Variants in ANKRD44 observed in about 807,000 individuals in gnomAD.
ANKRD44 encodes serine/threonine-protein phosphatase 6 regulatory ankyrin repeat subunit B.
ANKRD44 carries 35 observed loss-of-function variants against 116.0 expected under a neutral mutation model. The ratio of observed to expected loss-of-function variants is 0.30; its 90% CI spans 0.23 to 0.40. The LOEUF (loss-of-function observed/expected upper bound fraction) is 0.40, where lower values mean the gene tolerates loss of function less well. Ranked by LOEUF, ANKRD44 falls within the 10% of genes least tolerant of loss-of-function variation. The probability of loss-of-function intolerance (pLI) is 1.00; values close to 1 mark genes in which losing one functional copy is unlikely to be tolerated. For missense variants in ANKRD44, 1,014 were observed against 1,242.6 expected (o/e 0.82, Z 2.77); for synonymous variants, 435 against 461.8 (o/e 0.94, Z 0.74).
At chr2:197,282,419 G>A (rs932868081) in intron 1 of ANKRD44, among the ~76,000 whole-genome samples, 15 of 151,940 alleles carry the variant, frequency 9.9e-5, no homozygotes, top group African/African-American at 3.6e-4. Context: ...TCTGAGAGGC[G>A]GTGTGTGTTT....
At chr2:197,183,054 A>G (rs2080552840) in intron 2 of ANKRD44, among the ~76,000 whole-genome samples, 1 of 152,156 alleles carries the variant, frequency 6.6e-6, no homozygotes, top group Admixed American at 6.6e-5. Flanking sequence ...AAAGGGTGAG[A>G]GAATAGAATA....
chr2:197,122,344 T>A (rs1217177057), intron 7 of ANKRD44, among the ~76,000 whole-genome samples: 1 of 152,154 alleles, frequency 6.6e-6, no homozygotes, highest in African/African-American at 2.4e-5. Context: ...GAAGGCTACA[T>A]TTGGAAGGTG....
rs1574547612 is a variant in ANKRD44, at chr2:197,146,898, C to T, written c.190+129G>A. On this transcript the variant is annotated intron_variant, in intron 3 of 27. Coordinates refer to ENST00000282272, the MANE Select transcript of ANKRD44 (RefSeq NM_001195144.2). ...ATTTTTCTTTGTGTAATGATAAAATCGCCTATCACATAAACTTCCATGAAC... is the reference window on the plus strand; with the variant it reads ...ATTTTTCTTTGTGTAATGATAAAATTGCCTATCACATAAACTTCCATGAAC... The T allele has an allele frequency of 2.3e-5, 14 of 611,964 alleles. No individual in the cohort carries two copies. In the East Asian group the frequency reaches 3.0e-4, roughly 13 times the overall value. The allele number at this position is 611,964 out of a possible 1,614,324, so 37.9% of individuals were successfully genotyped here. A position where few individuals can be genotyped will look rare whatever the true frequency, so the allele number is the denominator to read the frequency against.
intron 1 of ANKRD44, among the ~76,000 whole-genome samples, chr2:197,227,728 T>G (rs2081753552): frequency 6.6e-6 from 1 of 152,190 alleles, no homozygotes; most frequent in Non-Finnish European, 1.5e-5. Context: ...ATTCCAGCCT[T>G]GCTGTTGCCA....
At chr2:196,970,465 T>G (rs2075707398) in intron 21 of ANKRD44, among the ~76,000 whole-genome samples, 1 of 152,226 alleles carries the variant, frequency 6.6e-6, no homozygotes, top group African/African-American at 2.4e-5. Flanking sequence ...ATTCTTAAAT[T>G]CTTAATATTT....
intron 2 of ANKRD44, among the ~76,000 whole-genome samples, chr2:197,173,709 A>G (rs189865153): frequency 1.6e-4 from 24 of 152,270 alleles, no homozygotes; most frequent in Admixed American, 6.5e-4. Context: ...AATGGATTCA[A>G]TGGTGCCAAG....
At chr2:196,998,102 C>T (rs2076046936) in intron 25 of ANKRD44, among the ~76,000 whole-genome samples, 1 of 152,164 alleles carries the variant, frequency 6.6e-6, no homozygotes, top group Non-Finnish European at 1.5e-5. Context: ...GTGGCAAATG[C>T]CATGAAAAGC....
chr2:197,307,745 G>C (rs1051445465), intron 1 of ANKRD44, among the ~76,000 whole-genome samples: 1 of 152,156 alleles, frequency 6.6e-6, no homozygotes, highest in Admixed American at 6.5e-5. Flanking sequence ...GAGAGAAAAT[G>C]TCATCATCTG....
chr2:197,069,825 C>G (rs972317769), intron 16 of ANKRD44, among the ~76,000 whole-genome samples: 1 of 151,848 alleles, frequency 6.6e-6, no homozygotes, highest in Non-Finnish European at 1.5e-5. Flanking sequence ...TTGTGTTAAA[C>G]CTACAGATTA....
At chr2:197,136,393 C>T in intron 4 of ANKRD44, 199 bp downstream of exon 4, 1 of 604,964 alleles carries the variant, frequency 1.7e-6, no homozygotes, top group South Asian at 2.0e-5. Flanking sequence ...TGTTGAACTA[C>T]CCCAGATACT....
chr2:197,061,231 A>G (rs1224139780), intron 16 of ANKRD44, among the ~76,000 whole-genome samples: 2 of 152,208 alleles, frequency 1.3e-5, no homozygotes, highest in Non-Finnish European at 2.9e-5. Flanking sequence ...CTGGCATTCC[A>G]AACCAGACCT....
chr2:197,143,841 C>T (rs939260485), intron 3 of ANKRD44, among the ~76,000 whole-genome samples: 3 of 152,152 alleles, frequency 2.0e-5, no homozygotes, highest in Non-Finnish European at 4.4e-5. Flanking sequence ...GTTGGCCAGG[C>T]TGGTCTTGAA....
intron 9 of ANKRD44, among the ~76,000 whole-genome samples, chr2:197,103,944 A>C (rs1323749274): frequency 6.6e-6 from 1 of 152,198 alleles, no homozygotes; most frequent in East Asian, 1.9e-4. Context: ...CCATGTCATT[A>C]ATCTTTTTCA....
chr2:197,215,755 C>G (rs111298356), intron 1 of ANKRD44, among the ~76,000 whole-genome samples: 9 of 152,258 alleles, frequency 5.9e-5, no homozygotes, highest in African/African-American at 1.9e-4. Flanking sequence ...CAGCATAAAT[C>G]CTGCTGGCAC....
intron 1 of ANKRD44, among the ~76,000 whole-genome samples, chr2:197,272,776 A>C (rs1459947918): frequency 6.6e-6 from 1 of 152,114 alleles, no homozygotes; most frequent in Non-Finnish European, 1.5e-5. Flanking sequence ...CTCACCAGAC[A>C]CCAAATCTGG....
In ANKRD44 at chr2:197,212,934, T is replaced by C. The variant is rs1287561611; in HGVS notation, c.28-25828A>G. Among the ~76,000 whole-genome samples the C allele has an allele frequency of 1.3e-5, 2 of 152,220 alleles. No homozygotes were observed. The highest frequency in any genetic ancestry group is 4.8e-5 in the African/African-American group (2 of 41,458). On this transcript the variant is annotated intron_variant, in intron 1 of 27. Transcript: ENST00000282272. This position sits in a 1 kb window ranked among gnomAD's most constrained non-coding sequence, Gnocchi z 4.8. The stretch of plus-strand genomic sequence containing the variant: ...GAACATCTCACAGAGCTGACTGGGA[T>C]TCTAGTGTTTAAAGAAACATATTTT...
intron 16 of ANKRD44, among the ~76,000 whole-genome samples, chr2:197,067,553 C>CAT (rs1371303761): frequency 7.4e-6 from 1 of 135,694 alleles, no homozygotes; most frequent in Non-Finnish European, 1.6e-5. Context: ...GGGCGAAGGA[C>CAT]ATGAACAGAC....
At chr2:197,154,449 G>A (rs1166822611) in intron 2 of ANKRD44, among the ~76,000 whole-genome samples, 1 of 152,062 alleles carries the variant, frequency 6.6e-6, no homozygotes, top group Non-Finnish European at 1.5e-5. Context: ...AAAGTGCTGG[G>A]ATTACAGGCG....
rs533752486 is a variant in ANKRD44, at chr2:197,174,780, G to T, written c.111+12243C>A. 1.0e-3 allele frequency among the ~76,000 whole-genome samples: 153 copies of T among 152,334 alleles called. 3 individuals are homozygous for T. In the South Asian group the frequency reaches 0.031, roughly 31 times the overall value. On this transcript the variant is annotated intron_variant, in intron 2 of 27. Coordinates refer to ENST00000282272, the MANE Select transcript of ANKRD44 (RefSeq NM_001195144.2). ...GCTGAACAGTTAGTGGAGAAAGACAGAAGACAAACAAATAAATTCACTACA... is the reference window on the plus strand; with the variant it reads ...GCTGAACAGTTAGTGGAGAAAGACATAAGACAAACAAATAAATTCACTACA...
Sources: gnomAD v4.1 joint callset for allele counts (sites outside exome capture counted in the v4.1 genomes callset) on GRCh38, gnomAD v4.1.1 for gene constraint, Gnocchi (gnomAD v3.1) non-coding constraint, MANE v1.5 for transcripts, NCBI Gene and HGNC (gene_info 2026-07-23, HGNC 2026-07-21) for gene names.